The following CDH4 variants were observed in gnomAD, a reference collection of about 807,000 sequenced individuals.
CDH4 encodes cadherin 4, also known as cadherin-4.
CDH4 carries 33 observed loss-of-function variants against 86.0 expected under a neutral mutation model. That is an observed-to-expected ratio of 0.38 (90% CI 0.29 to 0.51). The LOEUF is 0.51. CDH4 is among the 20% of genes least tolerant of loss of function. The probability of loss-of-function intolerance (pLI) is 0.86; values close to 1 mark genes in which losing one functional copy is unlikely to be tolerated. For missense variants in CDH4, 1,114 were observed against 1,307.4 expected (o/e 0.85, Z 2.28); for synonymous variants, 555 against 549.4 (o/e 1.01, Z -0.14).
intron 2 of CDH4, among the ~76,000 whole-genome samples, chr20:61,735,782 C>T (rs2088255535): frequency 6.6e-6 from 1 of 152,212 alleles, no homozygotes; most frequent in Admixed American, 6.5e-5. Context: ...TCTCCTTTTC[C>T]TGGCTCTTGA....
At chr20:61,484,996 A>T (rs2085588238) in intron 2 of CDH4, among the ~76,000 whole-genome samples, 1 of 152,234 alleles carries the variant, frequency 6.6e-6, no homozygotes, top group African/African-American at 2.4e-5. Context: ...TGTGAATTTC[A>T]TATGCAAGCA....
At chr20:61,711,090 A>G (rs1013789192) in intron 2 of CDH4, among the ~76,000 whole-genome samples, 3 of 152,202 alleles carry the variant, frequency 2.0e-5, no homozygotes, top group African/African-American at 7.2e-5. Context: ...ATTGGATCAT[A>G]GGGGCAGTTC....
intron 2 of CDH4, among the ~76,000 whole-genome samples, chr20:61,401,959 T>C (rs1421118657): frequency 6.6e-6 from 1 of 152,238 alleles, no homozygotes; most frequent in East Asian, 1.9e-4. Context: ...GATGGACTTC[T>C]ATAACCATCT....
At chr20:61,301,644 A>G (rs2084386821) in intron 2 of CDH4, among the ~76,000 whole-genome samples, 1 of 152,256 alleles carries the variant, frequency 6.6e-6, no homozygotes, top group Admixed American at 6.5e-5. Flanking sequence ...TTTATTGAAT[A>G]TACATCATAT....
At chr20:61,325,913 C>G (rs1334073742) in intron 2 of CDH4, among the ~76,000 whole-genome samples, 1 of 152,162 alleles carries the variant, frequency 6.6e-6, no homozygotes, top group African/African-American at 2.4e-5. Context: ...CACCAGAGCC[C>G]GTCTGGTTGG....
chr20:61,657,846 T>G lies in CDH4; in HGVS notation c.170-85717T>G, dbSNP rs141849071. On this transcript the variant is annotated intron_variant, in intron 2 of 15. Coordinates refer to ENST00000614565, the MANE Select transcript of CDH4 (RefSeq NM_001794.5). Reference sequence around the variant, plus strand: ...ATGTCAGTAAAATAACCTAATCCTTTAAAAATACAGTGCTGTGCCCATTTG... The same window carrying G: ...ATGTCAGTAAAATAACCTAATCCTTGAAAAATACAGTGCTGTGCCCATTTG... Among the ~76,000 whole-genome samples, 14 of 152,316 alleles carry G rather than the reference T, an allele frequency of 9.2e-5. No homozygotes were observed. The East Asian group carries it at 2.1e-3, about 23-fold the overall frequency.
chr20:61,636,375 A>G (rs1237761394), intron 2 of CDH4, among the ~76,000 whole-genome samples: 1 of 152,206 alleles, frequency 6.6e-6, no homozygotes, highest in Non-Finnish European at 1.5e-5. Context: ...TGAAAGAGAG[A>G]AAAGAAGTTT....
intron 2 of CDH4, among the ~76,000 whole-genome samples, chr20:61,394,408 A>G (rs1216923304): frequency 1.3e-5 from 2 of 152,176 alleles, no homozygotes; most frequent in Admixed American, 1.3e-4. Context: ...TTCGTTTGTA[A>G]AGAAAGTCGG....
intron 2 of CDH4, among the ~76,000 whole-genome samples, chr20:61,418,758 G>A (rs978573188): frequency 6.6e-6 from 1 of 152,190 alleles, no homozygotes; most frequent in African/African-American, 2.4e-5. Flanking sequence ...GGACAGGGCT[G>A]GTTCCTTCAG....
chr20:61,500,917 AT>A (rs2145600130), intron 2 of CDH4, among the ~76,000 whole-genome samples: 1 of 152,310 alleles, frequency 6.6e-6, no homozygotes, highest in South Asian at 2.1e-4. Context: ...GAGGCAGGAA[AT>A]GGAAACTCTT....
At chr20:61,604,033 C>T (rs745974389) in intron 2 of CDH4, among the ~76,000 whole-genome samples, 48 of 152,132 alleles carry the variant, frequency 3.2e-4, no homozygotes, top group Non-Finnish European at 5.3e-4. Context: ...AGGGAACTAC[C>T]GCAATCCCCG....
At chr20:61,704,476 C>G (rs2087808926) in intron 2 of CDH4, among the ~76,000 whole-genome samples, 1 of 152,142 alleles carries the variant, frequency 6.6e-6, no homozygotes, top group Non-Finnish European at 1.5e-5. Context: ...TTTCTGGAGG[C>G]CTGGCTGGCG....
chr20:61,796,795 A>G (rs921749352), intron 4 of CDH4, among the ~76,000 whole-genome samples: 34 of 152,056 alleles, frequency 2.2e-4, no homozygotes, highest in Non-Finnish European at 3.8e-4. Context: ...TAGAAACTGG[A>G]GTATGTGAGA....
rs1029013185 is a variant in CDH4, at chr20:61,560,202, C to T, written c.170-183361C>T. The stretch of plus-strand genomic sequence containing the variant: ...CCCAGACAGTGAATCCCCCCACCTG[C>T]GGGTGCTCCCCACTTTTATCAAGGC... On this transcript the variant is annotated intron_variant, in intron 2 of 15. Coordinates refer to ENST00000614565, the MANE Select transcript of CDH4 (RefSeq NM_001794.5). 4.6e-5 allele frequency among the ~76,000 whole-genome samples: 7 copies of T among 152,192 alleles called. No homozygotes were observed. The South Asian group carries it at 6.2e-4, about 13-fold the overall frequency.
chr20:61,901,234 C>T (rs1409927192), intron 8 of CDH4, among the ~76,000 whole-genome samples: 7 of 144,688 alleles, frequency 4.8e-5, no homozygotes, highest in Admixed American at 1.4e-4. Flanking sequence ...GGGGCAGGGG[C>T]AGGGGCAGGG....
At chr20:61,642,877 G>A (rs969038396) in intron 2 of CDH4, among the ~76,000 whole-genome samples, 5 of 152,112 alleles carry the variant, frequency 3.3e-5, no homozygotes, top group African/African-American at 2.4e-5. Flanking sequence ...TTCCATCCTC[G>A]CATCTCCTAC....
intron 2 of CDH4, among the ~76,000 whole-genome samples, chr20:61,714,896 G>A (rs553837633): frequency 4.6e-4 from 70 of 152,240 alleles, no homozygotes; most frequent in African/African-American, 1.5e-3. Context: ...TTTTTGATGC[G>A]GTGACGTCTT....
At chr20:61,511,889 A>G (rs1476784226) in intron 2 of CDH4, among the ~76,000 whole-genome samples, 1 of 152,212 alleles carries the variant, frequency 6.6e-6, no homozygotes. Context: ...TATACTGTAG[A>G]ATAAATATCT....
At chr20:61,563,859 G>T (rs764588097) in intron 2 of CDH4, among the ~76,000 whole-genome samples, 2 of 152,184 alleles carry the variant, frequency 1.3e-5, no homozygotes, top group African/African-American at 2.4e-5. Flanking sequence ...AACCCAGGCA[G>T]GTTCTGCACC....
Sources: allele counts gnomAD v4.1 joint callset (sites outside exome capture counted in the v4.1 genomes callset), GRCh38; gene constraint gnomAD v4.1.1; transcripts MANE v1.5; gene names NCBI Gene and HGNC (gene_info 2026-07-23, HGNC 2026-07-21).